Variants in FNDC3B observed in about 807,000 individuals in gnomAD.
The protein encoded by FNDC3B is fibronectin type III domain-containing protein 3B.
Under a neutral mutation model 151.5 loss-of-function variants are expected in FNDC3B, and 12 were observed. That is an observed-to-expected ratio of 0.08 (90% CI 0.05 to 0.13). The LOEUF (loss-of-function observed/expected upper bound fraction) is 0.13, where lower values mean the gene tolerates loss of function less well. FNDC3B is among the 10% of genes least tolerant of loss of function. FNDC3B has a pLI of 1.00. For missense variants in FNDC3B, 1,214 were observed against 1,505.3 expected, an observed-to-expected ratio of 0.81 and a Z score of 3.20; for synonymous variants, 528 against 549.0, an observed-to-expected ratio of 0.96 and a Z score of 0.54.
chr3:172,111,867 A>G (rs915101207), intron 1 of FNDC3B, among the ~76,000 whole-genome samples: 4 of 152,196 alleles, frequency 2.6e-5, no homozygotes, highest in African/African-American at 7.2e-5. Flanking sequence ...CTATATGGCA[A>G]TTTGTTCCTG....
At chr3:172,101,737 A>C (rs188646547) in intron 1 of FNDC3B, among the ~76,000 whole-genome samples, 2 of 152,226 alleles carry the variant, frequency 1.3e-5, no homozygotes, top group East Asian at 3.8e-4. Flanking sequence ...TAATCATGGC[A>C]CATTTCATTA....
At chr3:172,292,481 G>A (rs1730396708) in intron 7 of FNDC3B, among the ~76,000 whole-genome samples, 1 of 152,214 alleles carries the variant, frequency 6.6e-6, no homozygotes, top group African/African-American at 2.4e-5. Context: ...CAAGTCCTAA[G>A]GGAAAAAAGT....
At chr3:172,087,821 G>T (rs1465289301) in intron 1 of FNDC3B, among the ~76,000 whole-genome samples, 2 of 152,150 alleles carry the variant, frequency 1.3e-5, no homozygotes, top group Non-Finnish European at 2.9e-5. Flanking sequence ...CTCCATTTGT[G>T]ATCTTTCTGT....
chr3:172,079,369 G>C (rs1718173946), intron 1 of FNDC3B, among the ~76,000 whole-genome samples: 1 of 152,134 alleles, frequency 6.6e-6, no homozygotes, highest in African/African-American at 2.4e-5. Flanking sequence ...GTTTGGCCTT[G>C]GTGGGATTCT....
At chr3:172,081,684 A>G (rs1488899166) in intron 1 of FNDC3B, among the ~76,000 whole-genome samples, 1 of 152,228 alleles carries the variant, frequency 6.6e-6, no homozygotes, top group Non-Finnish European at 1.5e-5. Context: ...GCAGTATTAT[A>G]AATTAGAAGA....
intron 9 of FNDC3B, 90 bp downstream of exon 9, chr3:172,298,877 T>G: frequency 1.2e-6 from 1 of 830,286 alleles, no homozygotes; most frequent in Non-Finnish European, 1.9e-6. Context: ...TTGGTGAATG[T>G]TGCTTACCTT....
chr3:172,290,676 C>G (rs989421311), intron 7 of FNDC3B, among the ~76,000 whole-genome samples: 2 of 152,324 alleles, frequency 1.3e-5, no homozygotes, highest in East Asian at 1.9e-4. Flanking sequence ...AGGAACACTT[C>G]CCCTGTAAGA....
At chr3:172,383,481 A>T (rs1337167833) in intron 25 of FNDC3B, among the ~76,000 whole-genome samples, 1 of 152,236 alleles carries the variant, frequency 6.6e-6, no homozygotes, top group Non-Finnish European at 1.5e-5. Context: ...TGGAAGGTTA[A>T]GGGAGATGAT....
At chr3:172,222,034 T>G (rs1302899293) in intron 3 of FNDC3B, among the ~76,000 whole-genome samples, 1 of 152,244 alleles carries the variant, frequency 6.6e-6, no homozygotes, top group East Asian at 1.9e-4. Flanking sequence ...CACATCATTA[T>G]TTCATCTTTG....
intron 3 of FNDC3B, among the ~76,000 whole-genome samples, chr3:172,149,036 C>T (rs920403781): frequency 6.6e-6 from 1 of 152,144 alleles, no homozygotes; most frequent in African/African-American, 2.4e-5. Context: ...TGAAAAGTAG[C>T]TCTGGATAAT....
chr3:172,125,507 C>T (rs1046917795), intron 2 of FNDC3B, among the ~76,000 whole-genome samples: 3 of 152,118 alleles, frequency 2.0e-5, no homozygotes, highest in Non-Finnish European at 4.4e-5. Context: ...GTTCCTCCCC[C>T]GTGGGAGTCT....
chr3:172,119,477 G>C (rs1720430297), intron 2 of FNDC3B, among the ~76,000 whole-genome samples: 1 of 152,110 alleles, frequency 6.6e-6, no homozygotes, highest in Non-Finnish European at 1.5e-5. Context: ...GTTCAGAGGA[G>C]GAATTGAGGA....
At chr3:172,282,421 C>T (rs1277489395) in intron 6 of FNDC3B, among the ~76,000 whole-genome samples, 1 of 152,120 alleles carries the variant, frequency 6.6e-6, no homozygotes, top group Non-Finnish European at 1.5e-5. Context: ...GGCTAGTGAC[C>T]AGACACGATA....
At chr3:172,198,333 C>G (rs1377567544) in intron 3 of FNDC3B, among the ~76,000 whole-genome samples, 4 of 152,108 alleles carry the variant, frequency 2.6e-5, no homozygotes, top group African/African-American at 9.7e-5. Flanking sequence ...GTGGATAGAG[C>G]TGGAGAATAC....
intron 17 of FNDC3B, among the ~76,000 whole-genome samples, chr3:172,342,294 A>G (rs1314713301): frequency 3.3e-5 from 5 of 152,216 alleles, no homozygotes; most frequent in African/African-American, 1.2e-4. Context: ...AGTAAATCCA[A>G]ATCAAAGCTG....
At chr3:172,265,047 A>G (rs1728853138) in intron 6 of FNDC3B, among the ~76,000 whole-genome samples, 2 of 152,342 alleles carry the variant, frequency 1.3e-5, no homozygotes, top group Admixed American at 6.5e-5. Flanking sequence ...TCTGATAAAC[A>G]TTTGGTGTGT....
chr3:172,093,557 C>T (rs4894523), intron 1 of FNDC3B, among the ~76,000 whole-genome samples: 89,590 of 151,892 alleles, frequency 0.59, 27,189 homozygotes, highest in East Asian at 0.78. Flanking sequence ...CGCGCCCGGC[C>T]CCATCTAATT....
intron 2 of FNDC3B, among the ~76,000 whole-genome samples, chr3:172,119,165 G>A (rs1470906144): frequency 8.4e-6 from 1 of 118,498 alleles, no homozygotes; most frequent in Non-Finnish European, 1.6e-5. Flanking sequence ...GTGAGACTCT[G>A]CCTTAAAAAA....
At chr3:172,245,670 A>AT (rs35050863) in intron 4 of FNDC3B, among the ~76,000 whole-genome samples, 4,405 of 152,292 alleles carry the variant, frequency 0.029, 229 homozygotes, top group African/African-American at 0.099. Context: ...ATGCATGAGA[A>AT]TTTCCAATGT....
Sources: gnomAD v4.1 joint callset for allele counts (sites outside exome capture counted in the v4.1 genomes callset) on GRCh38, gnomAD v4.1.1 for gene constraint, MANE v1.5 for transcripts, NCBI Gene and HGNC (gene_info 2026-07-23, HGNC 2026-07-21) for gene names.